WASL: variants seen among roughly 807,000 people sequenced by gnomAD.
WASL encodes the protein WASP like actin nucleation promoting factor.
Under a neutral mutation model 55.5 loss-of-function variants are expected in WASL, and 20 were observed. The observed-to-expected ratio is 0.36, with a 90% confidence interval of 0.25 to 0.52. WASL has a LOEUF of 0.52. Among genes scored for constraint, WASL ranks in the 20% least tolerant of loss-of-function variants. The pLI, the probability that WASL is intolerant of heterozygous loss-of-function variation, is 0.92. For synonymous variants in WASL, 249 were observed against 217.6 expected, an observed-to-expected ratio of 1.14 and a Z score of -1.27; for missense variants, 504 against 622.5, an observed-to-expected ratio of 0.81 and a Z score of 2.03.
chr7:123,726,073 T>C (rs936161303), intron 1 of WASL, among the ~76,000 whole-genome samples: 5 of 152,206 alleles, frequency 3.3e-5, no homozygotes, highest in African/African-American at 1.2e-4. Flanking sequence ...GACCAGTATT[T>C]AGATCAATAT....
chr7:123,690,033 T>C (rs1278482939), intron 9 of WASL, among the ~76,000 whole-genome samples: 1 of 152,174 alleles, frequency 6.6e-6, no homozygotes, highest in Admixed American at 6.5e-5. Context: ...CATTCCTTAG[T>C]ATTTTGGCTT....
chr7:123,693,418 C>T, intron 8 of WASL, among the ~76,000 whole-genome samples: 1 of 152,138 alleles, frequency 6.6e-6, no homozygotes, highest in East Asian at 1.9e-4. Context: ...ATTTAATTTA[C>T]ATTTGTACTT....
chr7:123,743,269 C>T (rs1227904632), intron 1 of WASL, among the ~76,000 whole-genome samples: 2 of 148,354 alleles, frequency 1.3e-5, no homozygotes, highest in Non-Finnish European at 3.0e-5. Flanking sequence ...CCTGGGAGGC[C>T]GAGGTTGCAG....
At chr7:123,696,833 T>C (rs1803501270) in intron 5 of WASL, 86 bp from the exon 6 acceptor site, 1 of 910,024 alleles carries the variant, frequency 1.1e-6, no homozygotes, top group Non-Finnish European at 1.5e-6. Flanking sequence ...ATACTTTTTC[T>C]GAAATAGGAT....
chr7:123,745,903 A>T (rs1482271261), intron 1 of WASL, among the ~76,000 whole-genome samples: 1 of 152,188 alleles, frequency 6.6e-6, no homozygotes, highest in African/African-American at 2.4e-5. Context: ...TATCCATTTT[A>T]AAAAGCTTTT....
Position 123,682,074 on chromosome 7 carries a change from A to C in WASL, c.*2445T>G, listed in dbSNP as rs1429397611. 6.6e-6 allele frequency: 1 copy of C among 152,176 alleles called. No homozygotes were observed. The highest frequency in any genetic ancestry group is 1.5e-5 in the Non-Finnish European group (1 of 68,026). 9.4% of individuals were successfully genotyped at this position (152,176 alleles called of 1,614,324 possible). A position where few individuals can be genotyped will look rare whatever the true frequency, so the allele number is the denominator to read the frequency against. ...ATTTCAGTTGTCTGAAAATGAAATG[A>C]TTGAAAGTCTTTATGAATCTCATAC... On this transcript the variant is annotated 3_prime_UTR_variant, in exon 11 of 11. Transcript: ENST00000223023.
intron 1 of WASL, among the ~76,000 whole-genome samples, chr7:123,728,923 G>A (rs1457206258): frequency 2.6e-5 from 4 of 152,100 alleles, no homozygotes; most frequent in Non-Finnish European, 5.9e-5. Context: ...TGTGCCTGTG[G>A]GTGTGTGTTT....
intron 1 of WASL, among the ~76,000 whole-genome samples, chr7:123,727,249 C>G (rs1226520620): frequency 6.6e-6 from 1 of 151,932 alleles, no homozygotes; most frequent in Non-Finnish European, 1.5e-5. Context: ...GATTGCACAA[C>G]CACTTGGAGA....
intron 1 of WASL, among the ~76,000 whole-genome samples, chr7:123,716,279 G>A (rs892534971): frequency 9.9e-5 from 15 of 152,154 alleles, no homozygotes; most frequent in African/African-American, 2.9e-4. Context: ...GCAATGGCAC[G>A]ATCTTGGCTA....
intron 1 of WASL, among the ~76,000 whole-genome samples, chr7:123,710,676 T>TAGGACACAA (rs1403266257): frequency 6.6e-6 from 1 of 152,156 alleles, no homozygotes; most frequent in Non-Finnish European, 1.5e-5. Context: ...CAGTACTGAG[T>TAGGACACAA]AGGACACAAA....
At chr7:123,685,004 A>G (rs1357419379) in intron 10 of WASL, among the ~76,000 whole-genome samples, 1 of 151,898 alleles carries the variant, frequency 6.6e-6, no homozygotes, top group Non-Finnish European at 1.5e-5. Context: ...TGGCATCACC[A>G]TCCTGTCACA....
At chr7:123,712,032 A>G (rs1010479312) in intron 1 of WASL, among the ~76,000 whole-genome samples, 16 of 152,146 alleles carry the variant, frequency 1.1e-4, no homozygotes, top group African/African-American at 3.9e-4. Context: ...CTAGGAAGTG[A>G]ATTCCCTCCC....
chr7:123,719,031 C>T (rs1584867051), intron 1 of WASL, among the ~76,000 whole-genome samples: 2 of 152,184 alleles, frequency 1.3e-5, no homozygotes, highest in South Asian at 2.1e-4. Flanking sequence ...GCAACATTTT[C>T]GCTTCCACAG....
intron 7 of WASL, among the ~76,000 whole-genome samples, 182 bp from the exon 8 acceptor site, chr7:123,695,050 C>T (rs1803469999): frequency 6.6e-6 from 1 of 151,844 alleles, no homozygotes; most frequent in Non-Finnish European, 1.5e-5. Context: ...CTATTTTATT[C>T]TTCTTTTTTG....
At chr7:123,700,640 G>A (rs1253264766) in intron 5 of WASL, among the ~76,000 whole-genome samples, 2 of 152,004 alleles carry the variant, frequency 1.3e-5, no homozygotes, top group African/African-American at 2.4e-5. Flanking sequence ...GGGTTTCATC[G>A]TATTAGCCAG....
At chr7:123,736,253 C>G (rs985778695) in intron 1 of WASL, among the ~76,000 whole-genome samples, 5 of 151,894 alleles carry the variant, frequency 3.3e-5, no homozygotes, top group Admixed American at 6.6e-5. Flanking sequence ...AGTAGAAGAC[C>G]TGCATTACAA....
At chr7:123,709,043 GA>G in intron 2 of WASL, 45 bp downstream of exon 2, 1 of 1,521,716 alleles carries the variant, frequency 6.6e-7, no homozygotes, top group Non-Finnish European at 8.8e-7. Flanking sequence ...AATTGATATA[GA>G]AAACCTAATC....
intron 1 of WASL, among the ~76,000 whole-genome samples, chr7:123,722,647 A>C (rs1392399866): frequency 1.3e-5 from 2 of 151,910 alleles, no homozygotes; most frequent in African/African-American, 4.8e-5. Context: ...GCGAAACCCC[A>C]CGCCTCTATT....
Position 123,689,168 on chromosome 7 carries a change from G to A in WASL, c.1348-18C>T. 1 of 1,594,860 alleles carries A rather than the reference G, an allele frequency of 6.3e-7. No homozygotes were observed. The highest frequency in any genetic ancestry group is 8.6e-7 in the Non-Finnish European group (1 of 1,163,416). Reference sequence around the variant, plus strand: ...TCAGCCACCTTGGAAAAGAAAGTTAGCAAAACTCAGTAATAAATCTTTAGC... The same window carrying A: ...TCAGCCACCTTGGAAAAGAAAGTTAACAAAACTCAGTAATAAATCTTTAGC... On this transcript the variant is annotated intron_variant, in intron 9 of 10. Transcript: ENST00000223023.
Sources: gnomAD v4.1 joint callset for allele counts (sites outside exome capture counted in the v4.1 genomes callset) on GRCh38, gnomAD v4.1.1 for gene constraint, MANE v1.5 for transcripts, NCBI Gene and HGNC (gene_info 2026-07-23, HGNC 2026-07-21) for gene names.